Variants in TBC1D28 observed in about 807,000 individuals in gnomAD.
TBC1D28 encodes TBC1 domain family, member 28.
A neutral mutation model predicts 29.2 loss-of-function variants in TBC1D28; 20 were observed. That is an observed-to-expected ratio of 0.68 (90% CI 0.48 to 0.99). The LOEUF is 0.99. TBC1D28 is among the 50% of genes least tolerant of loss of function. The pLI is 0.00. For missense variants in TBC1D28, 205 were observed against 243.7 expected (o/e 0.84, Z 1.06); for synonymous variants, 65 against 90.9 (o/e 0.71, Z 1.62).
At chr17:18,636,166 G>A in exon 9 of TBC1D28, 1 of 1,191,624 alleles carries the variant, frequency 8.4e-7, no homozygotes, top group Non-Finnish European at 1.0e-6. Context: ...TTGGATCCTT[G>A]CCAGGTTTCC....
Position 18,641,356 on chromosome 17 carries a change from G to T in TBC1D28, c.-1-3C>A. On this transcript the variant is annotated splice_polypyrimidine_tract_variant and splice_region_variant and intron_variant, in intron 2 of 8. Transcript: ENST00000345096. ...CCGGGTCCTCATCCATCTCCATCCT[G>T]CAAGACAAAGTCATCCCAAGGCTCT... 1 of 1,613,792 alleles carries T rather than the reference G, an allele frequency of 6.2e-7. No individual in the cohort carries two copies. Among genetic ancestry groups the T allele is most frequent in the African/African-American group, 1.3e-5 (1 of 74,998 alleles).
At chr17:18,643,783 C>G (rs2031875733), upstream of TBC1D28, among the ~76,000 whole-genome samples, 1 of 152,236 alleles carries the variant, frequency 6.6e-6, no homozygotes, top group African/African-American at 2.4e-5. Context: ...GACAAGGGAC[C>G]CCATGTGTCC....
intron 6 of TBC1D28, 94 bp downstream of exon 7, chr17:18,638,527 C>A (rs2031611656): frequency 2.9e-6 from 4 of 1,375,976 alleles, no homozygotes; most frequent in Non-Finnish European, 3.9e-6. Flanking sequence ...TACCACCCAC[C>A]CACTGAGAGG....
At chr17:18,638,738 C>T (rs769256479) in intron 5 of TBC1D28, 37 bp from the exon 7 acceptor site, 14 of 1,613,794 alleles carry the variant, frequency 8.7e-6, no homozygotes, top group Non-Finnish European at 1.2e-5. Flanking sequence ...GCGGAGCTGT[C>T]AGTCGTCTGA....
chr17:18,635,691 C>A (rs3752014), exon 9 of TBC1D28: 70,864 of 1,024,518 alleles, frequency 0.069, 1,136 homozygotes, highest in East Asian at 0.15. Context: ...CCTTCCTTTC[C>A]GAGGCCACAA....
rs1335553132 is a variant in TBC1D28 at position 18,638,489 on chromosome 17, G to A, written c.280-69C>T. 3.8e-6 allele frequency: 6 copies of A among 1,589,106 alleles called. No homozygotes were observed. In the Admixed American group the frequency reaches 1.0e-4, roughly 27 times the overall value. On this transcript the variant is annotated intron_variant, in intron 6 of 8. Coordinates refer to ENST00000345096, the Ensembl canonical transcript of TBC1D28. Reference sequence around the variant, plus strand: ...CCCCGCAGAGGAAAGCTGGCGAACAGGCCTGCAGTCCTATGGCAAGGATGG... The same window carrying A: ...CCCCGCAGAGGAAAGCTGGCGAACAAGCCTGCAGTCCTATGGCAAGGATGG...
upstream of TBC1D28, among the ~76,000 whole-genome samples, chr17:18,643,894 A>G (rs916534691): frequency 2.6e-5 from 4 of 152,224 alleles, no homozygotes; most frequent in African/African-American, 9.6e-5. Flanking sequence ...TGGACCGAGC[A>G]CCACCTCCCT....
rs2031777220 is a variant in TBC1D28 at position 18,641,737 on chromosome 17, T to C, written c.-103-4A>G. The C allele has an allele frequency of 3.5e-6, 1 of 282,988 alleles. No homozygotes were observed. Among genetic ancestry groups the C allele is most frequent in the East Asian group, 7.8e-5 (1 of 12,768 alleles). The allele number at this position is 282,988 out of a possible 1,614,324, so 17.5% of individuals were successfully genotyped here. On this transcript the variant is annotated splice_region_variant and splice_polypyrimidine_tract_variant and intron_variant, in intron 1 of 8. Coordinates refer to ENST00000345096, the Ensembl canonical transcript of TBC1D28. ...TGGAGTCAGGGACTGGATGTCTCTA[T>C]AGGATGGTTCAGGGACCAGGAAGAT...
chr17:18,636,654 T>C (rs2031515529), intron 8 of TBC1D28, 57 bp from the exon 10 acceptor site: 1 of 1,583,600 alleles, frequency 6.3e-7, no homozygotes, highest in Non-Finnish European at 8.6e-7. Context: ...GTCAATTTCA[T>C]TTTGTCTACA....
chr17:18,636,039 C>T (rs368646839), exon 9 of TBC1D28: 4 of 1,007,218 alleles, frequency 4.0e-6, no homozygotes, highest in East Asian at 2.0e-4. Context: ...ATGCAGTCAG[C>T]TCAGCAGCTC....
intron 2 of TBC1D28, 32 bp from the exon 4 acceptor site, chr17:18,641,385 G>A (rs374008160): frequency 1.9e-5 from 30 of 1,590,962 alleles, no homozygotes; most frequent in South Asian, 3.4e-5. Flanking sequence ...AGGCTCTCCC[G>A]CACCCAAGAG....
At chr17:18,636,682 C>T (rs1283948108) in intron 8 of TBC1D28, 85 bp from the exon 10 acceptor site, 2 of 1,532,678 alleles carry the variant, frequency 1.3e-6, no homozygotes, top group Non-Finnish European at 1.8e-6. Flanking sequence ...ATAACGAACA[C>T]AATTCTGGGT....
At chr17:18,643,682 C>A (rs948749102), upstream of TBC1D28, among the ~76,000 whole-genome samples, 64 of 152,052 alleles carry the variant, frequency 4.2e-4, no homozygotes, top group South Asian at 8.4e-4. Context: ...CAGGTCCCCA[C>A]TGTCCAAGTC....
At chr17:18,643,440 C>G (rs573390168), upstream of TBC1D28, among the ~76,000 whole-genome samples, 3 of 150,354 alleles carry the variant, frequency 2.0e-5, no homozygotes, top group African/African-American at 7.4e-5. Context: ...ACTAACCAGA[C>G]CCCTGCCGGC....
chr17:18,636,137 G>T (rs1478038312), exon 9 of TBC1D28: 1 of 1,134,720 alleles, frequency 8.8e-7, no homozygotes. Context: ...GCTCCTGTGG[G>T]GATCAGGCAA....
chr17:18,638,988 A>C (rs1229025730), intron 5 of TBC1D28, 187 bp downstream of exon 6: 19 of 1,036,186 alleles, frequency 1.8e-5, no homozygotes, highest in Non-Finnish European at 2.5e-5. Context: ...CCAGGACTAC[A>C]GTTCTTGGTT....
chr17:18,639,145 G>A (rs754045725), intron 5 of TBC1D28, 30 bp downstream of exon 6: 7 of 1,604,416 alleles, frequency 4.4e-6, no homozygotes, highest in Non-Finnish European at 5.9e-6. Context: ...CCCTGAAGCA[G>A]CCTCCCACGC....
intron 8 of TBC1D28, among the ~76,000 whole-genome samples, chr17:18,637,648 A>G (rs2151715062): frequency 6.6e-6 from 1 of 151,442 alleles, no homozygotes. Context: ...TCTCCTTGGG[A>G]GTCACCTGGG....
At chr17:18,636,573 G>A (rs373183034) in exon 9 of TBC1D28, 40 of 1,613,732 alleles carry the variant, frequency 2.5e-5, no homozygotes, top group African/African-American at 9.3e-5. Flanking sequence ...AATAGGCCAC[G>A]AGGATGTCAC....
Sources: allele counts gnomAD v4.1 joint callset (sites outside exome capture counted in the v4.1 genomes callset), GRCh38; gene constraint gnomAD v4.1.1; transcripts MANE v1.5; gene names NCBI Gene and HGNC (gene_info 2026-07-23, HGNC 2026-07-21).